DLG2: variants seen among roughly 807,000 people sequenced by gnomAD.
The protein encoded by DLG2 is disks large homolog 2.
DLG2 carries 45 observed loss-of-function variants against 132.5 expected under a neutral mutation model. That is an observed-to-expected ratio of 0.34 (90% CI 0.27 to 0.44). The LOEUF is 0.44. DLG2 is among the 20% of genes least tolerant of loss of function. The pLI, the probability that DLG2 is intolerant of heterozygous loss-of-function variation, is 1.00. For missense variants in DLG2, 1,045 were observed against 1,196.9 expected (o/e 0.87, Z 1.87); for synonymous variants, 424 against 419.6 (o/e 1.01, Z -0.13).
intron 3 of DLG2, among the ~76,000 whole-genome samples, chr11:85,544,642 C>T (rs778369461): frequency 2.6e-5 from 4 of 152,190 alleles, no homozygotes; most frequent in African/African-American, 4.8e-5. Flanking sequence ...TGTTTTTCCA[C>T]TTGATTGTGT....
chr11:85,333,405 C>T (rs535792394), intron 3 of DLG2, among the ~76,000 whole-genome samples: 1 of 152,120 alleles, frequency 6.6e-6, no homozygotes, highest in Non-Finnish European at 1.5e-5. Context: ...GTTCAACTTC[C>T]TATCTGAATG....
chr11:83,591,013 C>A (rs1341223990), intron 19 of DLG2, among the ~76,000 whole-genome samples: 20 of 151,894 alleles, frequency 1.3e-4, no homozygotes, highest in South Asian at 8.3e-4. Flanking sequence ...TTTACCAACC[C>A]AAAAGAGTCC....
intron 17 of DLG2, among the ~76,000 whole-genome samples, chr11:83,795,579 T>C (rs1363428776): frequency 6.6e-6 from 1 of 152,142 alleles, no homozygotes; most frequent in Non-Finnish European, 1.5e-5. Flanking sequence ...CTTCTAGTTG[T>C]GTTGCTGCTG....
chr11:84,751,596 T>C (rs566921503), intron 6 of DLG2, among the ~76,000 whole-genome samples: 4 of 152,250 alleles, frequency 2.6e-5, no homozygotes, highest in Admixed American at 6.5e-5. Context: ...TGCTGCAGCA[T>C]AGCAAAAATC....
intron 8 of DLG2, among the ~76,000 whole-genome samples, chr11:84,178,376 G>A (rs1264324939): frequency 6.6e-6 from 1 of 152,096 alleles, no homozygotes; most frequent in East Asian, 1.9e-4. Flanking sequence ...CAGGCTTTGA[G>A]AGCTCCTATA....
At position 83,724,476 on chromosome 11, in the gene DLG2, T is replaced by TGTGTGAGA. The variant is rs762050933; in HGVS notation, c.1825+62213_1825+62214insTCTCACAC. The stretch of plus-strand genomic sequence containing the variant: ...CTCTCTCCGTGTGTGTGTGTGTGTG[T>TGTGTGAGA]GAGAGAGAGAGAGAGAGAGAGAGAG... On this transcript the variant is annotated intron_variant, in intron 18 of 27. Transcript: ENST00000376104. Among the ~76,000 whole-genome samples the TGTGTGAGA allele has an allele frequency of 8.6e-3, 1,020 of 118,178 alleles. 9 individuals are homozygous for TGTGTGAGA. Among genetic ancestry groups the TGTGTGAGA allele is most frequent in the Non-Finnish European group, 0.011 (617 of 55,386 alleles). 77.5% of individuals were successfully genotyped at this position (118,178 alleles called of 152,430 possible).
chr11:84,032,811 T>C (rs1398700644), intron 11 of DLG2, among the ~76,000 whole-genome samples: 1 of 152,124 alleles, frequency 6.6e-6, no homozygotes, highest in Admixed American at 6.6e-5. Context: ...TGACTTTAAG[T>C]GGAAGCCAAT....
chr11:85,201,041 C>G (rs1565149615), intron 4 of DLG2, among the ~76,000 whole-genome samples: 1 of 151,830 alleles, frequency 6.6e-6, no homozygotes, highest in Non-Finnish European at 1.5e-5. Context: ...TAGCAGATCC[C>G]AGTGTAGCCC....
intron 18 of DLG2, among the ~76,000 whole-genome samples, chr11:83,753,585 T>A (rs1446475479): frequency 6.7e-6 from 1 of 149,332 alleles, no homozygotes; most frequent in Admixed American, 6.7e-5. Flanking sequence ...AAATTAAAGT[T>A]TATTTAACTC....
At chr11:85,481,492 C>T (rs536275123) in intron 3 of DLG2, among the ~76,000 whole-genome samples, 16 of 152,132 alleles carry the variant, frequency 1.1e-4, no homozygotes, top group Admixed American at 2.6e-4. Flanking sequence ...CAACTCCAGG[C>T]AGCACAGGGA....
At chr11:85,490,871 C>T (rs1213705169) in intron 3 of DLG2, among the ~76,000 whole-genome samples, 2 of 152,052 alleles carry the variant, frequency 1.3e-5, no homozygotes, top group Non-Finnish European at 2.9e-5. Context: ...ACCAATCCTC[C>T]TGAAACTTTT....
Position 84,972,545 on chromosome 11 carries a change from A to C in DLG2, c.357+139116T>G, listed in dbSNP as rs115928624. Among the ~76,000 whole-genome samples the C allele has an allele frequency of 6.6e-3, 1,000 of 152,324 alleles. 10 individuals are homozygous for C. The highest frequency in any genetic ancestry group is 0.023 in the African/African-American group (941 of 41,568). On this transcript the variant is annotated intron_variant, in intron 6 of 27. Coordinates refer to ENST00000376104, the MANE Select transcript of DLG2 (RefSeq NM_001142699.3). ...GACTCCTTGGGTGATTCAAACAAGAAACTTTTAAAGCGAAATGGTGCAACT... is the reference window on the plus strand; with the variant it reads ...GACTCCTTGGGTGATTCAAACAAGACACTTTTAAAGCGAAATGGTGCAACT...
At chr11:85,092,814 T>C (rs1343097707) in intron 6 of DLG2, among the ~76,000 whole-genome samples, 1 of 152,092 alleles carries the variant, frequency 6.6e-6, no homozygotes, top group African/African-American at 2.4e-5. Flanking sequence ...GGCTAATTTT[T>C]GTATTTTTAG....
chr11:84,446,692 A>G (rs2099036100), intron 7 of DLG2, among the ~76,000 whole-genome samples: 1 of 151,982 alleles, frequency 6.6e-6, no homozygotes, highest in African/African-American at 2.4e-5. Flanking sequence ...GGGCTGGTGA[A>G]TAAAGTTTTT....
At chr11:83,865,624 C>T (rs145619395) in intron 16 of DLG2, among the ~76,000 whole-genome samples, 125 of 152,162 alleles carry the variant, frequency 8.2e-4, no homozygotes, top group African/African-American at 2.8e-3. Flanking sequence ...AGGAAAGATG[C>T]AGCAGTGGCA....
intron 6 of DLG2, among the ~76,000 whole-genome samples, chr11:84,730,151 T>A (rs1331593496): frequency 6.6e-6 from 1 of 152,018 alleles, no homozygotes; most frequent in African/African-American, 2.4e-5. Flanking sequence ...CCAAATTTGA[T>A]GTCAATGTTG....
At chr11:83,753,283 C>T (rs2093415605) in intron 18 of DLG2, among the ~76,000 whole-genome samples, 2 of 151,898 alleles carry the variant, frequency 1.3e-5, no homozygotes, top group African/African-American at 2.4e-5. Context: ...ATTAGCTGGG[C>T]GTGGTGGCAG....
chr11:84,863,744 G>A (rs919479341), intron 6 of DLG2, among the ~76,000 whole-genome samples: 5 of 152,258 alleles, frequency 3.3e-5, no homozygotes, highest in African/African-American at 1.2e-4. Flanking sequence ...AATGATGACT[G>A]TGGTAAAAGA....
rs139771665 is a variant in DLG2, at chr11:83,834,925, G to A, written c.1566-1155C>T. On this transcript the variant is annotated intron_variant, in intron 16 of 27. Transcript: ENST00000376104. ...ATCTCAGTTCATCTTCTATTTTCCAGCTCTTAATGATGTAAGAATGAGAAA... is the reference window on the plus strand; with the variant it reads ...ATCTCAGTTCATCTTCTATTTTCCAACTCTTAATGATGTAAGAATGAGAAA... 5.9e-5 allele frequency among the ~76,000 whole-genome samples: 9 copies of A among 152,236 alleles called. No individual in the cohort carries two copies. The South Asian group carries it at 6.2e-4, about 11-fold the overall frequency.
Sources: gnomAD v4.1 joint callset for allele counts (sites outside exome capture counted in the v4.1 genomes callset) on GRCh38, gnomAD v4.1.1 for gene constraint, MANE v1.5 for transcripts, NCBI Gene and HGNC (gene_info 2026-07-23, HGNC 2026-07-21) for gene names.